Variants in GAD2 observed in about 807,000 individuals in gnomAD.
GAD2 encodes glutamate decarboxylase 2.
A neutral mutation model predicts 80.1 loss-of-function variants in GAD2; 22 were observed. That is an observed-to-expected ratio of 0.27 (90% CI 0.20 to 0.39). GAD2 has a LOEUF of 0.39. Ranked by LOEUF, GAD2 falls within the 10% of genes least tolerant of loss-of-function variation. GAD2 has a pLI of 1.00. For missense variants in GAD2, 624 were observed against 738.4 expected (o/e 0.85, Z 1.80); for synonymous variants, 274 against 256.9 (o/e 1.07, Z -0.64).
intron 8 of GAD2, among the ~76,000 whole-genome samples, chr10:26,264,312 C>CTTTTT (rs373732623): frequency 1.5e-5 from 2 of 129,772 alleles, no homozygotes; most frequent in Non-Finnish European, 1.6e-5. Flanking sequence ...AGATTTCAAG[C>CTTTTT]TTTTTTTTTT....
intron 9 of GAD2, among the ~76,000 whole-genome samples, chr10:26,269,778 C>T (rs370712065): frequency 3.9e-5 from 6 of 152,190 alleles, no homozygotes; most frequent in African/African-American, 1.4e-4. Flanking sequence ...GATTTAATAA[C>T]ATACACATGC....
At chr10:26,229,892 G>T in intron 7 of GAD2, 115 bp downstream of exon 7, 1 of 720,248 alleles carries the variant, frequency 1.4e-6, no homozygotes. Flanking sequence ...AGACACCTTG[G>T]GAGGGAATGG....
chr10:26,220,512 T>C (rs529364767), intron 4 of GAD2, among the ~76,000 whole-genome samples: 2 of 152,318 alleles, frequency 1.3e-5, no homozygotes, highest in African/African-American at 4.8e-5. Context: ...AAAGTCAGGC[T>C]ATGGAATAGG....
chr10:26,278,738 C>G, intron 11 of GAD2, among the ~76,000 whole-genome samples: 1 of 151,944 alleles, frequency 6.6e-6, no homozygotes, highest in Non-Finnish European at 1.5e-5. Context: ...GCTTCTAGTT[C>G]CTCAATTCCA....
chr10:26,265,760 C>T (rs989471569), intron 8 of GAD2, among the ~76,000 whole-genome samples: 1 of 152,226 alleles, frequency 6.6e-6, no homozygotes, highest in Admixed American at 6.5e-5. Context: ...ATGGAACAGT[C>T]GCCATCCAAA....
At chr10:26,297,587 A>G (rs1834288157) in intron 15 of GAD2, among the ~76,000 whole-genome samples, 1 of 152,212 alleles carries the variant, frequency 6.6e-6, no homozygotes, top group Non-Finnish European at 1.5e-5. Context: ...TGCGTTCTTT[A>G]TTTAGGAAAA....
At chr10:26,227,813 G>C (rs1844548547) in intron 6 of GAD2, among the ~76,000 whole-genome samples, 2 of 152,222 alleles carry the variant, frequency 1.3e-5, no homozygotes, top group African/African-American at 4.8e-5. Context: ...CCTACAGCCA[G>C]CCTTTCACAC....
chr10:26,231,853 C>G (rs946441262), intron 7 of GAD2, among the ~76,000 whole-genome samples: 1 of 152,180 alleles, frequency 6.6e-6, no homozygotes, highest in African/African-American at 2.4e-5. Flanking sequence ...CTCTTTCTCT[C>G]TCTCTCACCT....
At chr10:26,282,411 C>T (rs1288927071) in intron 12 of GAD2, among the ~76,000 whole-genome samples, 1 of 151,458 alleles carries the variant, frequency 6.6e-6, no homozygotes, top group African/African-American at 2.4e-5. Flanking sequence ...ATATTTTCTC[C>T]CACAATTTTT....
At chr10:26,269,199 C>T in intron 9 of GAD2, 26 bp downstream of exon 9, 1 of 1,572,902 alleles carries the variant, frequency 6.4e-7, no homozygotes, top group Non-Finnish European at 8.7e-7. Flanking sequence ...GAGCTTTATC[C>T]AGCCCATATT....
chr10:26,233,913 T>C (rs527282540), intron 7 of GAD2, among the ~76,000 whole-genome samples: 1 of 152,186 alleles, frequency 6.6e-6, no homozygotes, highest in South Asian at 2.1e-4. Flanking sequence ...TCTTCACACA[T>C]TTTGAGAGGT....
chr10:26,264,569 C>T (rs1004460597), intron 8 of GAD2, among the ~76,000 whole-genome samples: 7 of 152,114 alleles, frequency 4.6e-5, no homozygotes, highest in Non-Finnish European at 8.8e-5. Context: ...CTCAGCCTCC[C>T]AAAGTGCTGG....
chr10:26,255,759 T>A (rs1048318262), intron 8 of GAD2, among the ~76,000 whole-genome samples: 11 of 152,274 alleles, frequency 7.2e-5, no homozygotes, highest in African/African-American at 2.6e-4. Flanking sequence ...TTATTGAGTT[T>A]CCTAGTCTTT....
chr10:26,271,405 C>T (rs1845135280), intron 10 of GAD2, among the ~76,000 whole-genome samples: 1 of 152,084 alleles, frequency 6.6e-6, no homozygotes, highest in Admixed American at 6.5e-5. Context: ...TTTAGAAGGA[C>T]CGAAGGGATT....
intron 10 of GAD2, among the ~76,000 whole-genome samples, chr10:26,272,832 C>T (rs1467125937): frequency 1.3e-5 from 2 of 152,134 alleles, no homozygotes; most frequent in Admixed American, 1.3e-4. Context: ...CCATTGCACT[C>T]CAGCCTGGGC....
At chr10:26,216,763 G>A, upstream of GAD2, 5 of 1,554,692 alleles carry the variant, frequency 3.2e-6, no homozygotes, top group South Asian at 2.3e-5. This position sits in a 1 kb window ranked among gnomAD's most constrained non-coding sequence, Gnocchi z 4.7. Flanking sequence ...GAGGCAGCTC[G>A]CCCGCAGCTC....
chr10:26,286,228 G>A (rs1243924955), intron 12 of GAD2, 117 bp from the exon 13 acceptor site: 1 of 921,918 alleles, frequency 1.1e-6, no homozygotes, highest in African/African-American at 1.7e-5. Flanking sequence ...GATTCTTACT[G>A]TTTTCTTTCT....
At position 26,303,959 on chromosome 10, in the gene GAD2, C is replaced by T. The variant is rs745718790; in HGVS notation, c.*2998C>T. 5 of 149,160 alleles carry T rather than the reference C, an allele frequency of 3.4e-5. No individual in the cohort carries two copies. The highest frequency in any genetic ancestry group is 5.9e-5 in the Non-Finnish European group (4 of 67,430). 9.2% of individuals were successfully genotyped at this position (149,160 alleles called of 1,614,324 possible). On this transcript the variant is annotated 3_prime_UTR_variant, in exon 16 of 16. Coordinates refer to ENST00000376261, the MANE Select transcript of GAD2 (RefSeq NM_001134366.2). ...GTATTGAACTTTGATATTATGAAAA[C>T]TACATTTGCATCTGTTCCTGTTCTC...
chr10:26,235,301 C>T (rs534161744), intron 7 of GAD2, among the ~76,000 whole-genome samples: 3 of 152,160 alleles, frequency 2.0e-5, no homozygotes, highest in Non-Finnish European at 4.4e-5. Context: ...AACAACATTG[C>T]GAGACTCTGT....
Sources: allele counts gnomAD v4.1 joint callset (sites outside exome capture counted in the v4.1 genomes callset), GRCh38; gene constraint gnomAD v4.1.1; non-coding constraint Gnocchi (gnomAD v3.1); transcripts MANE v1.5; gene names NCBI Gene and HGNC (gene_info 2026-07-23, HGNC 2026-07-21).